The following IARS1 variants were observed in gnomAD, a reference collection of about 807,000 sequenced individuals.
IARS1 encodes the protein isoleucine--tRNA ligase, cytoplasmic.
IARS1 carries 124 observed loss-of-function variants against 168.2 expected under a neutral mutation model. That is an observed-to-expected ratio of 0.74 (90% CI 0.64 to 0.86). IARS1 has a LOEUF of 0.86. Ranked by LOEUF, IARS1 falls within the 40% of genes least tolerant of loss-of-function variation. IARS1 has a pLI of 0.00. For missense variants in IARS1, 1,452 were observed against 1,515.8 expected (o/e 0.96, Z 0.70); for synonymous variants, 532 against 529.4 (o/e 1.00, Z -0.07).
At chr9:92,273,559 TATC>T (rs747139560) in intron 10 of IARS1, among the ~76,000 whole-genome samples, 25 of 152,208 alleles carry the variant, frequency 1.6e-4, no homozygotes, top group Non-Finnish European at 3.4e-4. Flanking sequence ...AAGAATCTAT[TATC>T]ATATTTTCTT....
At chr9:92,272,862 AAC>A (rs1491109755) in intron 10 of IARS1, among the ~76,000 whole-genome samples, 4,987 of 61,402 alleles carry the variant, frequency 0.081, 114 homozygotes, top group African/African-American at 0.13. Flanking sequence ...AACAAAACAA[AAC>A]AAAAAAAAAA....
intron 31 of IARS1, among the ~76,000 whole-genome samples, chr9:92,225,880 TG>T (rs1412377016): frequency 6.6e-6 from 1 of 152,196 alleles, no homozygotes; most frequent in Non-Finnish European, 1.5e-5. Flanking sequence ...GCCAACTTGT[TG>T]GGTTAAGTGG....
intron 30 of IARS1, 115 bp downstream of exon 30, chr9:92,240,741 G>T: frequency 1.4e-6 from 1 of 726,934 alleles, no homozygotes; most frequent in South Asian, 1.5e-5. Context: ...TATTAAACAT[G>T]ATTAAATAAT....
intron 20 of IARS1, among the ~76,000 whole-genome samples, chr9:92,255,393 G>C (rs1310953366): frequency 6.6e-6 from 1 of 152,098 alleles, no homozygotes; most frequent in Non-Finnish European, 1.5e-5. Context: ...TGTGACCCAG[G>C]GCCTCTGTCC....
intron 33 of IARS1, among the ~76,000 whole-genome samples, chr9:92,216,029 C>T (rs1441034389): frequency 6.0e-5 from 9 of 151,132 alleles, no homozygotes; most frequent in East Asian, 3.9e-4. Flanking sequence ...AGAGAAAGGT[C>T]GGGTTACCCA....
At chr9:92,243,590 T>G (rs1828761953) in intron 27 of IARS1, 1 of 269,956 alleles carries the variant, frequency 3.7e-6, no homozygotes. Flanking sequence ...CTTATCAGAG[T>G]CCCTCACATG....
At position 92,277,857 on chromosome 9, in the gene IARS1, G is replaced by A; in HGVS notation, c.894+6C>T. On this transcript the variant is annotated splice_donor_region_variant and intron_variant, in intron 9 of 33. Transcript: ENST00000443024. The stretch of plus-strand genomic sequence containing the variant: ...GAGCGCCCACAGTAGCGGTCCCTAA[G>A]CTTACCTTCAGGAAATAGTCAAACA... 1 of 1,612,950 alleles carries A rather than the reference G, an allele frequency of 6.2e-7. No individual in the cohort carries two copies. The highest frequency in any genetic ancestry group is 2.2e-5 in the East Asian group (1 of 44,848).
chr9:92,275,639 A>C (rs909264668), intron 9 of IARS1, among the ~76,000 whole-genome samples: 1 of 152,224 alleles, frequency 6.6e-6, no homozygotes, highest in African/African-American at 2.4e-5. Context: ...GTATAGACAA[A>C]GTCACTGCAT....
intron 10 of IARS1, 35 bp from the exon 11 acceptor site, chr9:92,271,690 A>G: frequency 6.2e-7 from 1 of 1,611,826 alleles, no homozygotes. Context: ...AGAATAAAAC[A>G]GTCTATGTAT....
At chr9:92,245,099 C>A in intron 26 of IARS1, 28 bp from the exon 27 acceptor site, 1 of 1,575,938 alleles carries the variant, frequency 6.3e-7, no homozygotes, top group Non-Finnish European at 8.7e-7. Context: ...CACTGTTAAT[C>A]AGCTTCCCCT....
chr9:92,225,996 C>G (rs1825610084), intron 31 of IARS1, among the ~76,000 whole-genome samples: 1 of 152,216 alleles, frequency 6.6e-6, no homozygotes, highest in South Asian at 2.1e-4. Context: ...TGCAAGGCAC[C>G]TGTCAGTGTG....
chr9:92,288,338 T>C, intron 2 of IARS1, 56 bp from the exon 3 acceptor site: 9 of 1,481,486 alleles, frequency 6.1e-6, no homozygotes, highest in Non-Finnish European at 8.5e-6. Flanking sequence ...ATTTAAGGCA[T>C]TTTTCTATAG....
At chr9:92,235,476 T>C (rs1827348275) in intron 30 of IARS1, among the ~76,000 whole-genome samples, 1 of 152,024 alleles carries the variant, frequency 6.6e-6, no homozygotes, top group Admixed American at 6.6e-5. Flanking sequence ...GCTATACTCA[T>C]GTAATCTTTT....
At position 92,278,299 on chromosome 9, in the gene IARS1, G is replaced by C. The variant is rs754289558; in HGVS notation, c.746-13C>G. 7 of 1,547,192 alleles carry C rather than the reference G, an allele frequency of 4.5e-6. No individual in the cohort carries two copies. The highest frequency in any genetic ancestry group is 6.3e-6 in the Non-Finnish European group (7 of 1,119,266). ...CCTCTGGCAACATCTACGAGAAAAA[G>C]GAAAAACATGGACTTGGGTTATATT... On this transcript the variant is annotated splice_polypyrimidine_tract_variant and intron_variant, in intron 7 of 33. Transcript: ENST00000443024.
chr9:92,221,188 A>T (rs1440584959), intron 33 of IARS1, among the ~76,000 whole-genome samples: 1 of 152,166 alleles, frequency 6.6e-6, no homozygotes, highest in Non-Finnish European at 1.5e-5. Flanking sequence ...GGACAAAAGG[A>T]GGGAAAATAG....
intron 7 of IARS1, among the ~76,000 whole-genome samples, chr9:92,278,922 A>T (rs979961386): frequency 6.6e-6 from 1 of 152,194 alleles, no homozygotes; most frequent in African/African-American, 2.4e-5. Context: ...CACTACTATG[A>T]ACACTGGCAT....
At chr9:92,213,962 C>T (rs1050013374) in intron 33 of IARS1, among the ~76,000 whole-genome samples, 2 of 152,022 alleles carry the variant, frequency 1.3e-5, no homozygotes, top group East Asian at 1.9e-4. Flanking sequence ...CAGGCATGTG[C>T]CACCATGTCC....
Position 92,251,843 on chromosome 9 carries a change from A to T in IARS1, c.2272T>A (p.Leu758Met). 1 of 1,614,052 alleles carries T rather than the reference A, an allele frequency of 6.2e-7. No individual in the cohort carries two copies. The highest frequency in any genetic ancestry group is 1.7e-5 in the Admixed American group (1 of 60,024). ...MEDCVMALET[L>M]FSVLLSLCRL... is the part of the protein sequence containing the mutation. ...CAAAGAGAAAGCAGAACACTAAACA[A>T]GGTTTCTAGGGCCATGACACAATCC... Residue 758 changes from leucine to methionine, a missense_variant, in exon 22 of 34, where the codon TTG (leucine) becomes ATG (methionine). Coordinates refer to ENST00000443024, the MANE Select transcript of IARS1 (RefSeq NM_002161.6).
In IARS1 at chr9:92,243,239, G is replaced by T; in HGVS notation, c.2977C>A (p.Arg993Ser). The change falls in exon 28 of 34, where the codon CGC becomes AGC. Residue 993 changes from arginine to serine, a missense_variant. Transcript: ENST00000443024. ...ACCTTTTTGCGAAGTTTCTGTATGC[G>T]ATTGATGACTTCCCGAGCCATTCCT... ...DEGMAREVIN[R>S]IQKLRKKCNL... is the part of the protein sequence containing the mutation. 1.2e-6 allele frequency: 2 copies of T among 1,613,314 alleles called. No homozygotes were observed. Among genetic ancestry groups the T allele is most frequent in the Non-Finnish European group, 1.7e-6 (2 of 1,179,406 alleles).
Sources: gnomAD v4.1 joint callset for allele counts (sites outside exome capture counted in the v4.1 genomes callset) on GRCh38, gnomAD v4.1.1 for gene constraint, MANE v1.5 for transcripts, NCBI Gene and HGNC (gene_info 2026-07-23, HGNC 2026-07-21) for gene names.